Variants in MAPKAPK3 observed in about 807,000 individuals in gnomAD.
MAPKAPK3 encodes the protein MAPK activated protein kinase 3, also known as MAP kinase-activated protein kinase 3.
A neutral mutation model predicts 49.2 loss-of-function variants in MAPKAPK3; 35 were observed. That is an observed-to-expected ratio of 0.71 (90% confidence interval 0.54 to 0.94). The LOEUF is 0.94. Among genes scored for constraint, MAPKAPK3 ranks in the 40% least tolerant of loss-of-function variants. The pLI is 0.00. For missense variants in MAPKAPK3, 398 were observed against 493.1 expected, an observed-to-expected ratio of 0.81 and a Z score of 1.83; for synonymous variants, 178 against 188.7, an observed-to-expected ratio of 0.94 and a Z score of 0.46.
intron 3 of MAPKAPK3, 72 bp downstream of exon 3, chr3:50,640,577 A>G (rs1262424678): frequency 1.3e-6 from 2 of 1,501,936 alleles, no homozygotes; most frequent in East Asian, 2.3e-5. Context: ...CCACGCTTCT[A>G]GGGGCTTTCT....
chr3:50,640,818 G>C (rs1419260730), intron 3 of MAPKAPK3, among the ~76,000 whole-genome samples: 1 of 152,220 alleles, frequency 6.6e-6, no homozygotes, highest in East Asian at 1.9e-4. Flanking sequence ...ATGGATGGAT[G>C]GGGGATTTGG....
At chr3:50,623,403 T>C (rs1186611905) in intron 2 of MAPKAPK3, among the ~76,000 whole-genome samples, 4 of 152,230 alleles carry the variant, frequency 2.6e-5, no homozygotes, top group Non-Finnish European at 5.9e-5. Context: ...GTACCGTGCC[T>C]GGCTGGCCTT....
chr3:50,639,618 CT>C (rs1443724838), intron 2 of MAPKAPK3, among the ~76,000 whole-genome samples: 1 of 152,160 alleles, frequency 6.6e-6, no homozygotes, highest in African/African-American at 2.4e-5. Context: ...GTCTTAATTA[CT>C]TTTACCCCTA....
chr3:50,612,725 A>C (rs2032366655), upstream of MAPKAPK3: 1 of 151,108 alleles, frequency 6.6e-6, no homozygotes, highest in South Asian at 2.1e-4. Flanking sequence ...ACCCCCCGCC[A>C]GAAAAAAAAT....
intron 2 of MAPKAPK3, among the ~76,000 whole-genome samples, chr3:50,620,033 C>G (rs1339913500): frequency 6.6e-6 from 1 of 152,198 alleles, no homozygotes; most frequent in Non-Finnish European, 1.5e-5. Context: ...CAGGACCTTC[C>G]TGTTCTTAGT....
At chr3:50,628,749 A>AG (rs1377638717) in intron 2 of MAPKAPK3, among the ~76,000 whole-genome samples, 3 of 152,032 alleles carry the variant, frequency 2.0e-5, no homozygotes, top group Non-Finnish European at 4.4e-5. Flanking sequence ...CCTCTGGGGG[A>AG]GGGGAGGAGG....
In MAPKAPK3 at chr3:50,617,696, A is replaced by G; in HGVS notation, c.131A>G (p.Gln44Arg). The change falls in exon 2 of 11, where the codon CAG (glutamine) becomes CGG (arginine). Residue 44 changes from glutamine (Q) to arginine (R), a missense_variant. By Grantham distance (43) the Gln-to-Arg change is conservative. Around this residue, in one of 5 missense-constraint regions of MAPKAPK3, gnomAD observed 123 missense variants for 117.7 expected, o/e 1.04. Coordinates refer to ENST00000621469, the MANE Select transcript of MAPKAPK3 (RefSeq NM_001243925.2). Reference sequence around the variant, plus strand: ...AAGTACGCAGTGACCGACGACTACCAGTTGTCCAAGCAGGTGCTGGGCCTG... The same window carrying G: ...AAGTACGCAGTGACCGACGACTACCGGTTGTCCAAGCAGGTGCTGGGCCTG... ...PKKYAVTDDY[Q>R]LSKQVLGLGV... 1.2e-6 allele frequency: 2 copies of G among 1,613,512 alleles called. No individual in the cohort carries two copies. Among genetic ancestry groups the G allele is most frequent in the South Asian group, 1.1e-5 (1 of 91,072 alleles).
chr3:50,623,742 C>G (rs1055610373), intron 2 of MAPKAPK3, among the ~76,000 whole-genome samples: 2 of 152,208 alleles, frequency 1.3e-5, no homozygotes, highest in Non-Finnish European at 2.9e-5. Context: ...TGAGCCTAGG[C>G]AGTTTGATGC....
intron 2 of MAPKAPK3, among the ~76,000 whole-genome samples, chr3:50,621,196 G>T (rs1466565515): frequency 6.6e-6 from 1 of 152,200 alleles, no homozygotes; most frequent in Non-Finnish European, 1.5e-5. Context: ...GGTGGCTTGT[G>T]CCTGTAATCC....
At chr3:50,635,992 G>A (rs1309336612) in intron 2 of MAPKAPK3, among the ~76,000 whole-genome samples, 1 of 150,908 alleles carries the variant, frequency 6.6e-6, no homozygotes, top group East Asian at 1.9e-4. Context: ...TGCACCTGTG[G>A]TCCCAGCTAC....
At chr3:50,635,943 A>C (rs2033028898) in intron 2 of MAPKAPK3, among the ~76,000 whole-genome samples, 1 of 148,840 alleles carries the variant, frequency 6.7e-6, no homozygotes, top group African/African-American at 2.5e-5. Flanking sequence ...AAAAAAAAAA[A>C]AAACCAAAAA....
chr3:50,615,605 C>T (rs573282094), upstream of MAPKAPK3, among the ~76,000 whole-genome samples: 52 of 152,324 alleles, frequency 3.4e-4, no homozygotes, highest in African/African-American at 1.2e-3. Context: ...CTGGGCTTTT[C>T]TGTCCTGTGT....
At chr3:50,633,602 G>C (rs901388379) in intron 2 of MAPKAPK3, among the ~76,000 whole-genome samples, 4 of 152,166 alleles carry the variant, frequency 2.6e-5, no homozygotes, top group Admixed American at 2.0e-4. Context: ...CTCAGGGAGG[G>C]GTTGTCTGGG....
intron 2 of MAPKAPK3, among the ~76,000 whole-genome samples, chr3:50,618,102 G>A (rs62263010): frequency 7.2e-5 from 11 of 152,218 alleles, no homozygotes; most frequent in Non-Finnish European, 1.3e-4. Flanking sequence ...CAGGCCCAAA[G>A]GGGATCTCTT....
chr3:50,619,961 C>G (rs2032567951), intron 2 of MAPKAPK3, among the ~76,000 whole-genome samples: 1 of 152,152 alleles, frequency 6.6e-6, no homozygotes, highest in Non-Finnish European at 1.5e-5. Context: ...AGCTTGGGAC[C>G]TTCAGGATCT....
At chr3:50,618,858 T>C (rs954230253) in intron 2 of MAPKAPK3, among the ~76,000 whole-genome samples, 4 of 152,052 alleles carry the variant, frequency 2.6e-5, no homozygotes, top group Non-Finnish European at 5.9e-5. Flanking sequence ...CCCAGCTAAT[T>C]TTTTGTATTT....
intron 7 of MAPKAPK3, 54 bp from the exon 8 acceptor site, chr3:50,646,086 G>A: frequency 2.5e-6 from 4 of 1,583,976 alleles, no homozygotes; most frequent in Non-Finnish European, 2.6e-6. Flanking sequence ...GGGGAAATGG[G>A]TCCACCCTGG....
chr3:50,637,233 C>T (rs1384423844), intron 2 of MAPKAPK3, among the ~76,000 whole-genome samples: 1 of 152,170 alleles, frequency 6.6e-6, no homozygotes, highest in Non-Finnish European at 1.5e-5. Flanking sequence ...TTTGTTTGCT[C>T]GGAAGCCCAG....
At chr3:50,622,724 C>T (rs1254173554) in intron 2 of MAPKAPK3, among the ~76,000 whole-genome samples, 1 of 152,200 alleles carries the variant, frequency 6.6e-6, no homozygotes, top group Non-Finnish European at 1.5e-5. Context: ...TGGGAATTCA[C>T]AATGGAATCT....
Sources: gnomAD v4.1 joint callset for allele counts (sites outside exome capture counted in the v4.1 genomes callset) on GRCh38, gnomAD v4.1.1 for gene constraint, gnomAD v4.1.1 regional missense constraint, MANE v1.5 for transcripts, NCBI Gene and HGNC (gene_info 2026-07-23, HGNC 2026-07-21) for gene names.